LGR5: variants seen among roughly 807,000 people sequenced by gnomAD.
LGR5 encodes leucine rich repeat containing G protein-coupled receptor 5, also known as leucine-rich repeat-containing G protein-coupled receptor 5.
In LGR5, 54 loss-of-function variants were observed where a neutral mutation model predicts 76.7. The ratio of observed to expected loss-of-function variants is 0.70; its 90% CI spans 0.57 to 0.88. The LOEUF (loss-of-function observed/expected upper bound fraction) is 0.88, where lower values mean the gene tolerates loss of function less well. Among genes scored for constraint, LGR5 ranks in the 40% least tolerant of loss-of-function variants. LGR5 has a pLI of 0.00. For missense variants in LGR5, 1,078 were observed against 1,073.3 expected (o/e 1.00, Z -0.06); for synonymous variants, 406 against 421.9 (o/e 0.96, Z 0.46).
At chr12:71,579,006 A>G in intron 15 of LGR5, 77 bp downstream of exon 15, 1 of 1,329,746 alleles carries the variant, frequency 7.5e-7, no homozygotes, top group South Asian at 1.6e-5. Context: ...GGTGTTCTAA[A>G]TTTATGAGGT....
In LGR5 at chr12:71,566,732, A is replaced by G. The variant is rs754029658; in HGVS notation, c.998+32A>G. ...ACTGAGTAGACTCTTGACTTTGCCC[A>G]GAACATACACTGCCATTAGAGCTTG... On this transcript the variant is annotated intron_variant, in intron 10 of 17. Coordinates refer to ENST00000266674, the MANE Select transcript of LGR5 (RefSeq NM_003667.4). 1.4e-5 allele frequency: 22 copies of G among 1,593,444 alleles called. No individual in the cohort carries two copies. The Admixed American group carries it at 3.2e-4, about 23-fold the overall frequency.
intron 1 of LGR5, among the ~76,000 whole-genome samples, chr12:71,483,490 A>T (rs1043903749): frequency 1.3e-5 from 2 of 152,164 alleles, no homozygotes; most frequent in Non-Finnish European, 2.9e-5. Flanking sequence ...TGTGTATGGT[A>T]CTTCTTAAGA....
At chr12:71,512,801 C>G (rs1259961036) in intron 2 of LGR5, among the ~76,000 whole-genome samples, 1 of 152,126 alleles carries the variant, frequency 6.6e-6, no homozygotes, top group Admixed American at 6.5e-5. Context: ...ATACTAAGTG[C>G]AAGGAGGCAG....
intron 1 of LGR5, among the ~76,000 whole-genome samples, chr12:71,460,479 T>C (rs1872642637): frequency 6.6e-6 from 1 of 152,144 alleles, no homozygotes; most frequent in South Asian, 2.1e-4. Context: ...ATTAACTATA[T>C]GACTGGCAGG....
At chr12:71,462,513 C>T (rs192767313) in intron 1 of LGR5, among the ~76,000 whole-genome samples, 28 of 152,216 alleles carry the variant, frequency 1.8e-4, no homozygotes, top group African/African-American at 6.7e-4. Context: ...TTTCCTCCCC[C>T]TGTCTTTGCT....
At chr12:71,491,875 A>T (rs1455004945) in intron 1 of LGR5, among the ~76,000 whole-genome samples, 1 of 150,332 alleles carries the variant, frequency 6.7e-6, no homozygotes, top group South Asian at 2.2e-4. Context: ...TTATAATTGA[A>T]TTTGTTGCAC....
At chr12:71,530,632 T>A (rs1290470602) in intron 3 of LGR5, among the ~76,000 whole-genome samples, 5 of 152,130 alleles carry the variant, frequency 3.3e-5, no homozygotes, top group Non-Finnish European at 5.9e-5. Flanking sequence ...AGTAATTGGT[T>A]CTGTATGGCA....
At chr12:71,506,323 A>C (rs982776905) in intron 2 of LGR5, among the ~76,000 whole-genome samples, 1 of 151,932 alleles carries the variant, frequency 6.6e-6, no homozygotes, top group African/African-American at 2.4e-5. Context: ...ACACACCTCA[A>C]CTTTAGACCA....
At chr12:71,474,375 A>G (rs954558999) in intron 1 of LGR5, among the ~76,000 whole-genome samples, 15 of 152,234 alleles carry the variant, frequency 9.9e-5, no homozygotes, top group Admixed American at 9.8e-4. Context: ...CATGAATGAT[A>G]AGAAAAATTA....
At chr12:71,462,300 C>A (rs1872713874) in intron 1 of LGR5, among the ~76,000 whole-genome samples, 1 of 152,096 alleles carries the variant, frequency 6.6e-6, no homozygotes, top group African/African-American at 2.4e-5. Flanking sequence ...GTCAACTAGG[C>A]CTCTGAATGG....
At position 71,440,427 on chromosome 12, in the gene LGR5, C is replaced by T. The variant is rs1871711946; in HGVS notation, c.212+135C>T. On this transcript the variant is annotated intron_variant, in intron 1 of 17. Transcript: ENST00000266674. This position sits in a 1 kb window ranked among gnomAD's most constrained non-coding sequence, Gnocchi z 5.3. ...GCGAGTTTGTCAAGGGCATCCTGGC[C>T]AGGCCTGTTAGGGCCCCCAGAGAAA... 2.5e-6 allele frequency: 2 copies of T among 813,406 alleles called. No homozygotes were observed. The highest frequency in any genetic ancestry group is 4.0e-6 in the Non-Finnish European group (2 of 497,880). The allele number at this position is 813,406 out of a possible 1,614,324, so 50.4% of individuals were successfully genotyped here.
At chr12:71,447,268 A>G (rs530197403) in intron 1 of LGR5, among the ~76,000 whole-genome samples, 3 of 152,370 alleles carry the variant, frequency 2.0e-5, no homozygotes, top group African/African-American at 7.2e-5. Flanking sequence ...TGTGTCAATT[A>G]GAAATCTGCA....
rs573434502 is a variant in LGR5 at position 71,561,745 on chromosome 12, A to C, written c.786-36A>C. The C allele has an allele frequency of 1.1e-4, 144 of 1,340,974 alleles. No individual in the cohort carries two copies. In the East Asian group the frequency reaches 2.6e-3, roughly 24 times the overall value. 83.1% of individuals were successfully genotyped at this position (1,340,974 alleles called of 1,614,324 possible). ...GGCCTCTATTAAATAATTTTACCCC[A>C]CACAGGATTTTTTATAATTTTTTTT... On this transcript the variant is annotated intron_variant, in intron 7 of 17. Coordinates refer to ENST00000266674, the MANE Select transcript of LGR5 (RefSeq NM_003667.4).
At chr12:71,529,160 A>G (rs189785286) in intron 3 of LGR5, among the ~76,000 whole-genome samples, 33 of 152,328 alleles carry the variant, frequency 2.2e-4, no homozygotes, top group Middle Eastern at 3.4e-3. Flanking sequence ...TATAATATAT[A>G]ACAAGTATGA....
At chr12:71,474,932 A>T (rs1592471050) in intron 1 of LGR5, among the ~76,000 whole-genome samples, 2 of 152,328 alleles carry the variant, frequency 1.3e-5, no homozygotes, top group Middle Eastern at 6.8e-3. Context: ...ACAGATGCAG[A>T]AGATTCCGTT....
rs761892368 is a variant in LGR5, at chr12:71,584,564, A to G, written c.2554A>G (p.Ile852Val). The change falls in exon 18 of 18, where the codon ATT (isoleucine) becomes GTT (valine). Residue 852 changes from isoleucine to valine, a missense_variant. Ile to Val is a conservative substitution (Grantham distance 29, BLOSUM62 3). Transcript: ENST00000266674. ...ATCAAAACACCCAAGCTTGATGTCAATTAACTCTGATGATGTCGAAAAACA... is the reference window on the plus strand; with the variant it reads ...ATCAAAACACCCAAGCTTGATGTCAGTTAACTCTGATGATGTCGAAAAACA... ...TRSKHPSLMSINSDDVEKQSC... is the reference protein window; with the variant it reads ...TRSKHPSLMSVNSDDVEKQSC... 12 of 1,614,002 alleles carry G rather than the reference A, an allele frequency of 7.4e-6. No individual in the cohort carries two copies. The highest frequency in any genetic ancestry group is 3.3e-5 in the South Asian group (3 of 91,084).
intron 2 of LGR5, among the ~76,000 whole-genome samples, chr12:71,524,099 A>G (rs917412085): frequency 6.6e-6 from 1 of 152,238 alleles, no homozygotes; most frequent in Non-Finnish European, 1.5e-5. Flanking sequence ...GCAAATTATC[A>G]TATGGTGTTA....
chr12:71,583,499 A>G, intron 17 of LGR5, 148 bp from the exon 18 acceptor site: 1 of 851,426 alleles, frequency 1.2e-6, no homozygotes, highest in Non-Finnish European at 1.8e-6. Context: ...GGCTTGAGAT[A>G]GTGGAGCATG....
upstream of LGR5, among the ~76,000 whole-genome samples, chr12:71,439,339 G>A (rs893280062): frequency 6.6e-6 from 1 of 152,126 alleles, no homozygotes; most frequent in Non-Finnish European, 1.5e-5. Flanking sequence ...TCTCTGCATA[G>A]GATTTTAGTT....
Sources: gnomAD v4.1 joint callset for allele counts (sites outside exome capture counted in the v4.1 genomes callset) on GRCh38, gnomAD v4.1.1 for gene constraint, Gnocchi (gnomAD v3.1) non-coding constraint, MANE v1.5 for transcripts, NCBI Gene and HGNC (gene_info 2026-07-23, HGNC 2026-07-21) for gene names.